Variants in ECHS1 observed in about 807,000 individuals in gnomAD.
The protein encoded by ECHS1 is enoyl-CoA hydratase, short chain 1.
Under a neutral mutation model 33.5 loss-of-function variants are expected in ECHS1, and 19 were observed. The observed-to-expected ratio is 0.57, with a 90% CI of 0.40 to 0.83. The LOEUF is 0.83. Among genes scored for constraint, ECHS1 ranks in the 40% least tolerant of loss-of-function variants. ECHS1 has a pLI of 0.00. For missense variants in ECHS1, 365 were observed against 381.3 expected (o/e 0.96, Z 0.36); for synonymous variants, 158 against 146.6 (o/e 1.08, Z -0.56).
In ECHS1 at chr10:133,368,979, T is replaced by C. The variant is rs759771909; in HGVS notation, c.458A>G (p.Tyr153Cys). Residue 153 changes from tyrosine (Y) to cysteine (C), a missense_variant, in exon 4 of 8, where the codon TAT (tyrosine) becomes TGT (cysteine). By Grantham distance (194) the Tyr-to-Cys change is radical. Coordinates refer to ENST00000368547, the MANE Select transcript of ECHS1 (RefSeq NM_004092.4). ...TGCAAACTGGGCCTTCTCACCGGCA[T>C]AGATGATATCACACATCATGGCAAG... Reference protein sequence around the residue: ...CELAMMCDIIYAGEKAQFAQP... With the variant: ...CELAMMCDIICAGEKAQFAQP... 61 of 1,613,594 alleles carry C rather than the reference T, an allele frequency of 3.8e-5. No individual in the cohort carries two copies. The highest frequency in any genetic ancestry group is 4.7e-5 in the Non-Finnish European group (55 of 1,179,958).
Position 133,366,726 on chromosome 10 carries a change from CAGCT to C in ECHS1, c.619+159_619+162del, listed in dbSNP as rs1171452370. Among the ~76,000 whole-genome samples, 250 of 151,462 alleles carry C rather than the reference CAGCT, an allele frequency of 1.7e-3. 2 individuals are homozygous for C. Among genetic ancestry groups the C allele is most frequent in the African/African-American group, 5.8e-3 (239 of 40,936 alleles). ...CTCCCACGAGGGAGACAACTGGATG[CAGCT>C]CAGGGTTTCTGTGGGGCACCCATGA... On this transcript the variant is annotated intron_variant, in intron 5 of 7. Transcript: ENST00000368547.
At position 133,370,554 on chromosome 10, in the gene ECHS1, G is replaced by A. The variant is rs760182094; in HGVS notation, c.286+6C>T. 34 of 1,549,520 alleles carry A rather than the reference G, an allele frequency of 2.2e-5. No individual in the cohort carries two copies. In the Admixed American group the frequency reaches 3.2e-4, roughly 15 times the overall value. The stretch of plus-strand genomic sequence containing the variant: ...CAGACACAAAGGCCTCTGCTGCCGC[G>A]CGTACCTGCAAAGGCCTTATCCCCG... On this transcript the variant is annotated splice_donor_region_variant and intron_variant, in intron 2 of 7. Coordinates refer to ENST00000368547, the MANE Select transcript of ECHS1 (RefSeq NM_004092.4).
chr10:133,373,265 G>T lies in ECHS1; in HGVS notation c.69C>A (p.Ala23=). Residue 23 remains alanine, a synonymous_variant, in exon 1 of 8, where the codon GCC becomes GCA. Coordinates refer to ENST00000368547, the MANE Select transcript of ECHS1 (RefSeq NM_004092.4). ...GPLRPPVRCP[A]WRPFASGANF... ...ACTCACCCGAGGCGAAGGGACGCCA[G>T]GCGGGACAGCGAACCGGGGGCCTCA... 1 of 1,449,112 alleles carries T rather than the reference G, an allele frequency of 6.9e-7. No homozygotes were observed. The allele number at this position is 1,449,112 out of a possible 1,614,324, so 89.8% of individuals were successfully genotyped here.
Position 133,370,606 on chromosome 10 carries a change from C to T in ECHS1, c.240G>A (p.Pro80=), listed in dbSNP as rs35775473. Residue 80 remains proline (P), a synonymous_variant, in exon 2 of 8, where the codon CCG becomes CCA. Coordinates refer to ENST00000368547, the MANE Select transcript of ECHS1 (RefSeq NM_004092.4). ...NQALKTFEED[P]AVGAIVLTGG... is the part of the protein sequence containing the mutation. ...CGGTGAGGACAATGGCCCCCACGGC[C>T]GGGTCCTCCTCGAAGGTCTTCAGGG... 7.7e-4 allele frequency: 1,244 copies of T among 1,610,764 alleles called. 10 individuals carry two copies. The African/African-American group carries it at 0.013, about 16-fold the overall frequency.
intron 4 of ECHS1, among the ~76,000 whole-genome samples, chr10:133,368,347 C>T (rs924210000): frequency 1.3e-5 from 2 of 152,210 alleles, no homozygotes; most frequent in Non-Finnish European, 2.9e-5. Context: ...GAATCGGCCT[C>T]GTCCAACTCA....
chr10:133,364,687 T>G lies in ECHS1; in HGVS notation c.778A>C (p.Lys260Gln). 1 of 1,613,934 alleles carries G rather than the reference T, an allele frequency of 6.2e-7. No homozygotes were observed. The highest frequency in any genetic ancestry group is 1.3e-5 in the African/African-American group (1 of 75,044). The change falls in exon 7 of 8, where the codon AAG becomes CAG. Residue 260 changes from lysine (K) to glutamine (Q), a missense_variant. Physicochemically the swap from Lys to Gln is moderately conservative, Grantham distance 53 (BLOSUM62 1). Transcript: ENST00000368547. ...MTLTEGSKLE[K>Q]KLFYSTFATD... ...GCAAAGGTTGAATAAAAGAGTTTCT[T>G]CTCCAACTTACTTCCTTCTGTTAAT...
intron 1 of ECHS1, among the ~76,000 whole-genome samples, chr10:133,371,286 GAA>G (rs1849105888): frequency 6.6e-6 from 1 of 150,572 alleles, no homozygotes; most frequent in South Asian, 2.1e-4. Context: ...CAAAAAAAAA[GAA>G]AAGAAAAAAA....
At chr10:133,371,465 G>A (rs1314362041) in intron 1 of ECHS1, 1 of 154,498 alleles carries the variant, frequency 6.5e-6, no homozygotes, top group Non-Finnish European at 1.5e-5. Context: ...GGGGGTGTAA[G>A]GCAGCTCCTT....
intron 7 of ECHS1, 49 bp from the exon 8 acceptor site, chr10:133,362,982 A>G (rs769781968): frequency 1.7e-5 from 27 of 1,598,768 alleles, no homozygotes; most frequent in Non-Finnish European, 2.1e-5. Context: ...GTATCCTCAC[A>G]GAGCCTGATG....
chr10:133,369,897 C>G lies in ECHS1; in HGVS notation c.414+7G>C, dbSNP rs753635651. On this transcript the variant is annotated splice_region_variant and intron_variant, in intron 3 of 7. Transcript: ENST00000368547. ...GAGAGGAGGAGACTCTTGGCAGCAA[C>G]ACTCACGGCATAGCCATTGACAGCA... is the stretch of plus-strand genomic sequence containing the variant. 3.7e-6 allele frequency: 6 copies of G among 1,613,024 alleles called. No individual in the cohort carries two copies. The Admixed American group carries it at 8.3e-5, about 22-fold the overall frequency.
chr10:133,366,986 G>A lies in ECHS1; in HGVS notation c.522C>T (p.Gly174=), dbSNP rs771662887. The change falls in exon 5 of 8, where the codon GGC becomes GGT. Residue 174 remains glycine, a synonymous_variant. Coordinates refer to ENST00000368547, the MANE Select transcript of ECHS1 (RefSeq NM_004092.4). ...CAGCACGGGTGAGTCTCTGGGTGCC[G>A]CCCGCACCTGCAGGGAGGGGCTGGT... ...EILIGTIPGA[G]GTQRLTRAVG... is the part of the protein sequence containing the mutation. 1.9e-6 allele frequency: 3 copies of A among 1,609,840 alleles called. No individual in the cohort carries two copies. The highest frequency in any genetic ancestry group is 1.7e-5 in the Admixed American group (1 of 59,898).
chr10:133,362,870 A>C lies in ECHS1; in HGVS notation c.871T>G (p.Ter291GlyextTer21). The part of the protein sequence containing the change: ...EKRKANFKDQ[*>G] Reference sequence around the variant, plus strand: ...TGTGAAGCAGGGGCAGCTGGTTCTCACTGGTCTTTGAAGTTGGCCTTTCTC... The same window carrying C: ...TGTGAAGCAGGGGCAGCTGGTTCTCCCTGGTCTTTGAAGTTGGCCTTTCTC... The change falls in exon 8 of 8, where the codon TGA (stop) becomes GGA (glycine). Residue 291 changes from the stop codon to glycine, a stop_lost. Transcript: ENST00000368547. 6.2e-7 allele frequency: 1 copy of C among 1,614,096 alleles called. No homozygotes were observed. The highest frequency in any genetic ancestry group is 2.2e-5 in the East Asian group (1 of 44,886).
intron 4 of ECHS1, among the ~76,000 whole-genome samples, chr10:133,368,336 A>G (rs1849058777): frequency 6.6e-6 from 1 of 152,206 alleles, no homozygotes; most frequent in Non-Finnish European, 1.5e-5. Flanking sequence ...TCCAGGCCTC[A>G]GAATCGGCCT....
In ECHS1 at chr10:133,366,965, A is replaced by G; in HGVS notation, c.543T>C (p.Arg181=). The change falls in exon 5 of 8, where the codon CGT becomes CGC. Residue 181 remains arginine (R), a synonymous_variant. Coordinates refer to ENST00000368547, the MANE Select transcript of ECHS1 (RefSeq NM_004092.4). The part of the protein sequence containing the change: ...PGAGGTQRLT[R]AVGKSLAMEM... ...CCATCGCCAGCGACTTCCCAACAGCACGGGTGAGTCTCTGGGTGCCGCCCG... is the reference window on the plus strand; with the variant it reads ...CCATCGCCAGCGACTTCCCAACAGCGCGGGTGAGTCTCTGGGTGCCGCCCG... 1 of 1,612,604 alleles carries G rather than the reference A, an allele frequency of 6.2e-7. No individual in the cohort carries two copies. The highest frequency in any genetic ancestry group is 8.5e-7 in the Non-Finnish European group (1 of 1,179,976).
chr10:133,364,573 T>G (rs951930794), intron 7 of ECHS1, 85 bp downstream of exon 7: 4 of 1,102,996 alleles, frequency 3.6e-6, no homozygotes, highest in Non-Finnish European at 5.5e-6. Context: ...GAAACGATAC[T>G]TAATGATAAA....
intron 6 of ECHS1, among the ~76,000 whole-genome samples, chr10:133,365,104 C>T (rs543519834): frequency 2.0e-5 from 3 of 152,352 alleles, no homozygotes; most frequent in Non-Finnish European, 4.4e-5. Context: ...CAGAGCTGGG[C>T]GCGGCCGGCA....
rs1039094531 is a variant in ECHS1, at chr10:133,362,767, C to T, written c.*101G>A. 5.2e-5 allele frequency: 70 copies of T among 1,356,936 alleles called. No individual in the cohort carries two copies. The highest frequency in any genetic ancestry group is 1.5e-4 in the South Asian group (13 of 85,446). 84.1% of individuals were successfully genotyped at this position (1,356,936 alleles called of 1,614,324 possible). On this transcript the variant is annotated 3_prime_UTR_variant, in exon 8 of 8. Transcript: ENST00000368547. ...GCAATTGGAGAGGAACTGCACACCA[C>T]GGACACTGCTCTTGAAAAGAGGATG...
intron 3 of ECHS1, 131 bp downstream of exon 3, chr10:133,369,773 C>T: frequency 7.6e-7 from 1 of 1,315,054 alleles, no homozygotes; most frequent in Non-Finnish European, 1.0e-6. Context: ...TCTTTAGCAC[C>T]ATGAGGCAGG....
intron 7 of ECHS1, among the ~76,000 whole-genome samples, chr10:133,363,500 C>G (rs1303739613): frequency 6.6e-6 from 1 of 152,230 alleles, no homozygotes; most frequent in African/African-American, 2.4e-5. Flanking sequence ...AAATGGTAAT[C>G]TGGCCGGGTG....
Sources: allele counts gnomAD v4.1 joint callset (sites outside exome capture counted in the v4.1 genomes callset), GRCh38; gene constraint gnomAD v4.1.1; transcripts MANE v1.5; gene names NCBI Gene and HGNC (gene_info 2026-07-23, HGNC 2026-07-21).